The following TUBGCP5 variants were observed in gnomAD, a reference collection of about 807,000 sequenced individuals.
The protein encoded by TUBGCP5 is gamma-tubulin complex component 5.
Under a neutral mutation model 134.7 loss-of-function variants are expected in TUBGCP5, and 98 were observed. The observed-to-expected ratio is 0.73, with a 90% CI of 0.62 to 0.86. The LOEUF is 0.86. TUBGCP5 is among the 40% of genes least tolerant of loss of function. TUBGCP5 has a pLI of 0.00. For synonymous variants in TUBGCP5, 456 were observed against 431.4 expected, an observed-to-expected ratio of 1.06 and a Z score of -0.71; for missense variants, 1,150 against 1,244.8, an observed-to-expected ratio of 0.92 and a Z score of 1.15.
At chr15:22,993,297 A>G (rs1050303324) in intron 23 of TUBGCP5, among the ~76,000 whole-genome samples, 1 of 151,818 alleles carries the variant, frequency 6.6e-6, no homozygotes, top group Admixed American at 6.6e-5. Flanking sequence ...ACAGGGTTTC[A>G]CCATGTTGGT....
chr15:23,020,459 G>A (rs1280520073), intron 11 of TUBGCP5, among the ~76,000 whole-genome samples: 3 of 151,492 alleles, frequency 2.0e-5, no homozygotes, highest in Middle Eastern at 3.4e-3. Flanking sequence ...GGTGATGTGC[G>A]CCTGTAGTCC....
intron 5 of TUBGCP5, 109 bp from the exon 6 acceptor site, chr15:23,031,129 A>G: frequency 8.4e-7 from 1 of 1,194,808 alleles, no homozygotes; most frequent in South Asian, 2.4e-5. Flanking sequence ...TTGAAGCAAC[A>G]TGGAACAGAA....
chr15:23,022,138 C>G lies in TUBGCP5; in HGVS notation c.1192G>C (p.Val398Leu). Residue 398 changes from valine (V) to leucine (L), a missense_variant, in exon 11 of 23, where the codon GTG becomes CTG. Val to Leu is a conservative substitution (Grantham distance 32). This residue lies in a region of TUBGCP5 where 697 missense variants were observed against 850.1 expected (regional missense o/e 0.82). Coordinates refer to ENST00000615383, the MANE Select transcript of TUBGCP5 (RefSeq NM_052903.6). The stretch of plus-strand genomic sequence containing the variant: ...AATCGAGGTGCCAACTTGTCCACCA[C>G]TATTGCAAGAGTTATTGTAGTATCT... ...NNDTTITLAI[V>L]VDKLAPRLSQ... 11 of 1,614,174 alleles carry G rather than the reference C, an allele frequency of 6.8e-6. No individual in the cohort carries two copies. The highest frequency in any genetic ancestry group is 9.3e-6 in the Non-Finnish European group (11 of 1,180,008).
Position 23,003,162 on chromosome 15 carries a change from C to A in TUBGCP5, c.2839-9G>T. On this transcript the variant is annotated splice_polypyrimidine_tract_variant and intron_variant, in intron 20 of 22. Transcript: ENST00000615383. ...TCTTTCACAAAGCTGACCTGCAGAC[C>A]AAAGTCACAGAACACAAACTGTGTA... 6.2e-7 allele frequency: 1 copy of A among 1,613,666 alleles called. No homozygotes were observed. Among genetic ancestry groups the A allele is most frequent in the Non-Finnish European group, 8.5e-7 (1 of 1,179,604 alleles).
At chr15:23,036,305 A>G (rs1378921682) in intron 3 of TUBGCP5, among the ~76,000 whole-genome samples, 1 of 152,150 alleles carries the variant, frequency 6.6e-6, no homozygotes, top group Non-Finnish European at 1.5e-5. Context: ...ATATACTGTT[A>G]CTGAGAGAAT....
intron 23 of TUBGCP5, among the ~76,000 whole-genome samples, chr15:22,991,318 A>G (rs2063838294): frequency 6.6e-6 from 1 of 152,022 alleles, no homozygotes; most frequent in Non-Finnish European, 1.5e-5. Context: ...CTGGTCTCGA[A>G]CTCATGACCT....
At chr15:23,008,553 T>C (rs780866866) in intron 16 of TUBGCP5, 146 bp downstream of exon 16, 1 of 1,056,156 alleles carries the variant, frequency 9.5e-7, no homozygotes, top group South Asian at 1.4e-5. Flanking sequence ...CCACCGTGCC[T>C]GGCCTCCATT....
Position 23,013,645 on chromosome 15 carries a change from C to T in TUBGCP5, c.1757-2314G>A, listed in dbSNP as rs2140483612. Reference sequence around the variant, plus strand: ...GTAAGCAGAAGAAACCCACCAGCCCCCACAAACACCTACAGTCATTACTAC... The same window carrying T: ...GTAAGCAGAAGAAACCCACCAGCCCTCACAAACACCTACAGTCATTACTAC... On this transcript the variant is annotated intron_variant, in intron 13 of 22. Transcript: ENST00000615383. This position sits in a 1 kb window ranked among gnomAD's most constrained non-coding sequence, Gnocchi z 4.5. Among the ~76,000 whole-genome samples the T allele has an allele frequency of 6.6e-6, 1 of 152,274 alleles. No homozygotes were observed. The highest frequency in any genetic ancestry group is 2.4e-5 in the African/African-American group (1 of 41,552).
chr15:23,034,512 G>A (rs571539800), intron 3 of TUBGCP5, among the ~76,000 whole-genome samples: 1 of 152,322 alleles, frequency 6.6e-6, no homozygotes, highest in African/African-American at 2.4e-5. Context: ...TAAAGTGTCA[G>A]AAATGAAGAA....
At chr15:23,010,776 C>T (rs1361523118) in intron 14 of TUBGCP5, among the ~76,000 whole-genome samples, 5 of 152,054 alleles carry the variant, frequency 3.3e-5, no homozygotes, top group South Asian at 2.1e-4. Context: ...GTCAGGAGTT[C>T]GAGGCAAGCC....
Position 23,000,076 on chromosome 15 carries a change from C to A in TUBGCP5, c.3029-210G>T, listed in dbSNP as rs11631470. ...CAGGCATGTGCCACCATGCCTAGCT[C>A]ATTTTTGTATTTTTAGCAGAGACAG... On this transcript the variant is annotated intron_variant, in intron 22 of 22. Transcript: ENST00000615383. Among the ~76,000 whole-genome samples the A allele has an allele frequency of 0.48, 72,085 of 151,736 alleles. 17,712 individuals carry two copies. Among genetic ancestry groups the A allele is most frequent in the East Asian group, 0.59 (3,045 of 5,124 alleles).
rs751289837 is a variant in TUBGCP5 at position 23,031,012 on chromosome 15, A to C, written c.495T>G (p.Ser165=). 2 of 1,609,650 alleles carry C rather than the reference A, an allele frequency of 1.2e-6. No homozygotes were observed. Among genetic ancestry groups the C allele is most frequent in the Non-Finnish European group, 1.7e-6 (2 of 1,178,986 alleles). ...GATCATTTTCCTCTTCACTTTCTTC[A>C]GACCAATTCTGATTTAAAAAAGAGA... is the stretch of plus-strand genomic sequence containing the variant. ...IGPYMDTPNW[S]EESEEENDQQ... is the part of the protein sequence containing the mutation. The change falls in exon 6 of 23, where the codon TCT becomes TCG. Residue 165 remains serine, a synonymous_variant. Transcript: ENST00000615383.
chr15:23,015,379 C>T (rs1311701516), intron 13 of TUBGCP5, among the ~76,000 whole-genome samples: 5 of 150,150 alleles, frequency 3.3e-5, no homozygotes, highest in African/African-American at 7.4e-5. Context: ...TGATGGCTCA[C>T]GCCTGCAATC....
chr15:23,023,778 A>G, intron 10 of TUBGCP5, 169 bp downstream of exon 10: 1 of 589,550 alleles, frequency 1.7e-6, no homozygotes, highest in Non-Finnish European at 2.7e-6. Flanking sequence ...TTTGATTTTT[A>G]GAGATATGAA....
intron 23 of TUBGCP5, among the ~76,000 whole-genome samples, chr15:22,991,252 C>T (rs2063835289): frequency 6.6e-6 from 1 of 152,202 alleles, no homozygotes; most frequent in East Asian, 1.9e-4. Context: ...CGCACACCAC[C>T]ACACCCGGCT....
chr15:23,031,145 A>G (rs1356651797), intron 5 of TUBGCP5, 125 bp from the exon 6 acceptor site: 2 of 947,198 alleles, frequency 2.1e-6, no homozygotes, highest in Non-Finnish European at 3.0e-6. Flanking sequence ...CAGAAAAACA[A>G]ATTTTTTTTT....
Position 23,026,118 on chromosome 15 carries a change from T to C in TUBGCP5, c.825A>G (p.Leu275=), listed in dbSNP as rs745652364. Reference sequence around the variant, plus strand: ...TTAATTAAATGAACATTTCTTACCATAGGGTTTCCCGAATAACCTGAGTCT... The same window carrying C: ...TTAATTAAATGAACATTTCTTACCACAGGGTTTCCCGAATAACCTGAGTCT... ...VTETQVIRET[L]WLLSGVKKLF... Residue 275 remains leucine (L), a splice_region_variant and synonymous_variant, in exon 8 of 23, where the codon CTA becomes CTG. Coordinates refer to ENST00000615383, the MANE Select transcript of TUBGCP5 (RefSeq NM_052903.6). 8 of 1,606,140 alleles carry C rather than the reference T, an allele frequency of 5.0e-6. No individual in the cohort carries two copies. The highest frequency in any genetic ancestry group is 4.0e-5 in the African/African-American group (3 of 74,502).
intron 8 of TUBGCP5, 28 bp from the exon 9 acceptor site, chr15:23,024,858 G>T: frequency 7.6e-7 from 1 of 1,319,516 alleles, no homozygotes; most frequent in South Asian, 1.3e-5. Context: ...AAAGACGAGT[G>T]TACTTTAAGT....
rs757249943 is a variant in TUBGCP5 at position 23,006,345 on chromosome 15, T to C, written c.2335A>G (p.Ile779Val). 9.4e-6 allele frequency: 15 copies of C among 1,595,328 alleles called. No individual in the cohort carries two copies. In the African/African-American group the frequency reaches 1.1e-4, roughly 12 times the overall value. ...RYPEDSSRLSISFENVDTAKK... is the reference protein window; with the variant it reads ...RYPEDSSRLSVSFENVDTAKK... ...GCTGTGTCAACATTTTCAAAAGATA[T>C]AGATAGACTAAAGAAAGAAATTCCA... is the stretch of plus-strand genomic sequence containing the variant. The change falls in exon 17 of 23, where the codon ATA becomes GTA. Residue 779 changes from isoleucine to valine, a missense_variant. This residue lies in a region of TUBGCP5 where 697 missense variants were observed against 850.1 expected (regional missense o/e 0.82). Coordinates refer to ENST00000615383, the MANE Select transcript of TUBGCP5 (RefSeq NM_052903.6).
Sources: allele counts gnomAD v4.1 joint callset (sites outside exome capture counted in the v4.1 genomes callset), GRCh38; gene constraint gnomAD v4.1.1; regional missense constraint gnomAD v4.1.1; non-coding constraint Gnocchi (gnomAD v3.1); transcripts MANE v1.5; gene names NCBI Gene and HGNC (gene_info 2026-07-23, HGNC 2026-07-21).